The following BRINP3 variants were observed in gnomAD, a reference collection of about 807,000 sequenced individuals.
The protein encoded by BRINP3 is BMP/retinoic acid inducible neural specific 3.
Under a neutral mutation model 71.0 loss-of-function variants are expected in BRINP3, and 19 were observed. That is an observed-to-expected ratio of 0.27 (90% confidence interval 0.19 to 0.39). The LOEUF is 0.39. Among genes scored for constraint, BRINP3 ranks in the 10% least tolerant of loss-of-function variants. The pLI is 1.00. For missense variants in BRINP3, 959 were observed against 940.8 expected, an observed-to-expected ratio of 1.02 and a Z score of -0.25; for synonymous variants, 380 against 337.7, an observed-to-expected ratio of 1.13 and a Z score of -1.37.
At chr1:190,112,704 C>A (rs967969419) in intron 7 of BRINP3, among the ~76,000 whole-genome samples, 9 of 152,062 alleles carry the variant, frequency 5.9e-5, no homozygotes, top group African/African-American at 1.4e-4. Context: ...TTTTATTCCT[C>A]ATTTTAGTTT....
At chr1:190,281,311 T>C (rs185883632) in intron 3 of BRINP3, among the ~76,000 whole-genome samples, 21 of 152,106 alleles carry the variant, frequency 1.4e-4, no homozygotes, top group Non-Finnish European at 2.8e-4. Flanking sequence ...GCAACAATTA[T>C]GTCAAATATT....
chr1:190,124,490 TAA>T (rs1398391691), intron 7 of BRINP3, among the ~76,000 whole-genome samples: 1 of 152,118 alleles, frequency 6.6e-6, no homozygotes, highest in Non-Finnish European at 1.5e-5. Flanking sequence ...TTTTTATTCT[TAA>T]GAGTCCAGCA....
chr1:190,442,546 A>G (rs1674895781), intron 2 of BRINP3, among the ~76,000 whole-genome samples: 1 of 152,232 alleles, frequency 6.6e-6, no homozygotes, highest in Non-Finnish European at 1.5e-5. Flanking sequence ...ACCTATGTGT[A>G]AATGAAGGGA....
At chr1:190,173,929 G>T (rs1652256513) in intron 6 of BRINP3, among the ~76,000 whole-genome samples, 1 of 152,056 alleles carries the variant, frequency 6.6e-6, no homozygotes, top group African/African-American at 2.4e-5. Context: ...ACACCATGTA[G>T]ATTCTAGACC....
chr1:190,260,077 A>AG, intron 4 of BRINP3, among the ~76,000 whole-genome samples: 1 of 151,582 alleles, frequency 6.6e-6, no homozygotes, highest in African/African-American at 2.4e-5. Context: ...CCACAAAAAA[A>AG]AAAAAGAAAA....
chr1:190,120,869 T>C (rs1653588942), intron 7 of BRINP3, among the ~76,000 whole-genome samples: 1 of 152,078 alleles, frequency 6.6e-6, no homozygotes, highest in Admixed American at 6.6e-5. Flanking sequence ...AGAGAGAATC[T>C]TTTAAACATA....
At chr1:190,406,459 C>A (rs1421556705) in intron 2 of BRINP3, among the ~76,000 whole-genome samples, 1 of 152,198 alleles carries the variant, frequency 6.6e-6, no homozygotes, top group East Asian at 1.9e-4. Flanking sequence ...CTAGATGAAT[C>A]TCCTGACAGA....
chr1:190,410,346 G>A (rs1364545344), intron 2 of BRINP3, among the ~76,000 whole-genome samples: 2 of 152,014 alleles, frequency 1.3e-5, no homozygotes, highest in African/African-American at 2.4e-5. Context: ...GAGACTGGGG[G>A]GAAAGGTGTT....
intron 7 of BRINP3, among the ~76,000 whole-genome samples, chr1:190,124,222 C>T (rs1317441572): frequency 6.6e-6 from 1 of 152,058 alleles, no homozygotes; most frequent in Non-Finnish European, 1.5e-5. Flanking sequence ...ATAAGTTTGT[C>T]CTCCTATTGC....
rs1042180117 is a variant in BRINP3 at position 190,415,943 on chromosome 1, T to G, written c.236+38712A>C. ...TACATACATATATTTGCATATATATTTTTAACAATGTTCCATGATATACAC... is the reference window on the plus strand; with the variant it reads ...TACATACATATATTTGCATATATATGTTTAACAATGTTCCATGATATACAC... On this transcript the variant is annotated intron_variant, in intron 2 of 7. Transcript: ENST00000367462. 4.1e-4 allele frequency among the ~76,000 whole-genome samples: 62 copies of G among 152,148 alleles called. 1 individual carries two copies. The highest frequency in any genetic ancestry group is 1.5e-3 in the African/African-American group (62 of 41,412).
At chr1:190,221,029 C>T (rs928618165) in intron 6 of BRINP3, among the ~76,000 whole-genome samples, 3 of 152,010 alleles carry the variant, frequency 2.0e-5, no homozygotes, top group Admixed American at 6.6e-5. Flanking sequence ...ACCAGCCTGG[C>T]CAACATGGTG....
intron 7 of BRINP3, among the ~76,000 whole-genome samples, chr1:190,133,745 G>A (rs1487841010): frequency 6.6e-6 from 1 of 152,010 alleles, no homozygotes; most frequent in Non-Finnish European, 1.5e-5. Context: ...CCATATTTAA[G>A]GACATATATC....
intron 7 of BRINP3, among the ~76,000 whole-genome samples, chr1:190,099,514 A>G (rs2102237173): frequency 6.6e-6 from 1 of 152,316 alleles, no homozygotes; most frequent in Non-Finnish European, 1.5e-5. Context: ...AAGAAGAAGA[A>G]AGGTAAGTGA....
At chr1:190,173,406 G>A (rs1652200577) in intron 6 of BRINP3, among the ~76,000 whole-genome samples, 1 of 152,116 alleles carries the variant, frequency 6.6e-6, no homozygotes, top group Non-Finnish European at 1.5e-5. Flanking sequence ...GGAGTAAAAT[G>A]CAGACCCAAA....
chr1:190,417,157 A>C (rs1673060498), intron 2 of BRINP3, among the ~76,000 whole-genome samples: 1 of 152,174 alleles, frequency 6.6e-6, no homozygotes, highest in African/African-American at 2.4e-5. Context: ...AAATCTACTA[A>C]AATGAAATCA....
At chr1:190,221,945 A>T (rs953180446) in intron 6 of BRINP3, among the ~76,000 whole-genome samples, 3 of 152,096 alleles carry the variant, frequency 2.0e-5, no homozygotes, top group South Asian at 2.1e-4. Flanking sequence ...AAAAATATAT[A>T]TAAGACTATA....
Position 190,301,932 on chromosome 1 carries a change from T to A in BRINP3, c.237-20182A>T, listed in dbSNP as rs912067483. Among the ~76,000 whole-genome samples, 11 of 151,924 alleles carry A rather than the reference T, an allele frequency of 7.2e-5. No individual in the cohort carries two copies. The East Asian group carries it at 9.6e-4, about 13-fold the overall frequency. The stretch of plus-strand genomic sequence containing the variant: ...TACAATTTATATGTCTATAGTTCCC[T>A]ATATTTCTTTGCTGAAAGTGTTTTG... On this transcript the variant is annotated intron_variant, in intron 2 of 7. Transcript: ENST00000367462.
At chr1:190,129,808 C>G (rs1654385877) in intron 7 of BRINP3, among the ~76,000 whole-genome samples, 1 of 151,856 alleles carries the variant, frequency 6.6e-6, no homozygotes, top group African/African-American at 2.4e-5. Context: ...CTTCTAAAAT[C>G]AAGACAGAAT....
At chr1:190,456,904 A>T (rs1676031230) in intron 1 of BRINP3, among the ~76,000 whole-genome samples, 1 of 152,196 alleles carries the variant, frequency 6.6e-6, no homozygotes, top group South Asian at 2.1e-4. Context: ...ATAAAACTTC[A>T]GTCACACCAT....
Sources: allele counts gnomAD v4.1 joint callset (sites outside exome capture counted in the v4.1 genomes callset), GRCh38; gene constraint gnomAD v4.1.1; transcripts MANE v1.5; gene names NCBI Gene and HGNC (gene_info 2026-07-23, HGNC 2026-07-21).